Variants in DRG1 observed in about 807,000 individuals in gnomAD.
DRG1 encodes developmentally regulated GTP binding protein 1, also known as developmentally-regulated GTP-binding protein 1.
Under a neutral mutation model 38.8 loss-of-function variants are expected in DRG1, and 19 were observed. That is an observed-to-expected ratio of 0.49 (90% confidence interval 0.34 to 0.72). The LOEUF (loss-of-function observed/expected upper bound fraction) is 0.72, where lower values mean the gene tolerates loss of function less well. Among genes scored for constraint, DRG1 ranks in the 30% least tolerant of loss-of-function variants. DRG1 has a pLI of 0.01. For missense variants in DRG1, 299 were observed against 444.8 expected (o/e 0.67, Z 2.95); for synonymous variants, 167 against 157.5 (o/e 1.06, Z -0.45).
In DRG1 at chr22:31,400,794, A is replaced by G. The variant is rs554499841; in HGVS notation, c.166+51A>G. 2.2e-5 allele frequency: 34 copies of G among 1,576,084 alleles called. No homozygotes were observed. In the Admixed American group the frequency reaches 4.3e-4, roughly 20 times the overall value. On this transcript the variant is annotated intron_variant, in intron 2 of 8. Transcript: ENST00000331457. ...ATTTTTAGGTATAATTTTTGTCAAA[A>G]TAGTACATACATGTGGTTTAAAAAT...
At chr22:31,428,791 C>T (rs892420009) in intron 8 of DRG1, among the ~76,000 whole-genome samples, 5 of 152,064 alleles carry the variant, frequency 3.3e-5, no homozygotes, top group African/African-American at 1.2e-4. Flanking sequence ...AGAGTGTTCA[C>T]TAGTTATTTG....
intron 2 of DRG1, 94 bp from the exon 3 acceptor site, chr22:31,402,935 A>G: frequency 7.2e-7 from 1 of 1,379,944 alleles, no homozygotes; most frequent in Non-Finnish European, 9.9e-7. Context: ...AATAGTGCCT[A>G]GAGGGATAGG....
At chr22:31,412,122 T>C (rs186694124) in intron 4 of DRG1, among the ~76,000 whole-genome samples, 1 of 151,408 alleles carries the variant, frequency 6.6e-6, no homozygotes, top group Admixed American at 6.6e-5. Flanking sequence ...AAACCCTGCC[T>C]CTACTAAAAA....
chr22:31,426,955 T>G, intron 7 of DRG1, 105 bp from the exon 8 acceptor site: 1 of 1,537,096 alleles, frequency 6.5e-7, no homozygotes, highest in Non-Finnish European at 8.8e-7. Flanking sequence ...TCCCTTAAGT[T>G]GGAGGTTGTC....
chr22:31,422,946 A>T (rs1222112828), intron 5 of DRG1, among the ~76,000 whole-genome samples: 1 of 152,148 alleles, frequency 6.6e-6, no homozygotes, highest in Non-Finnish European at 1.5e-5. Context: ...TAGGACCACC[A>T]GTATTGGATT....
chr22:31,422,691 G>A (rs998030591), intron 5 of DRG1, among the ~76,000 whole-genome samples: 4 of 152,094 alleles, frequency 2.6e-5, no homozygotes, highest in African/African-American at 9.7e-5. Context: ...CCATTATCCC[G>A]TCTTAATATT....
At chr22:31,430,558 C>G (rs963811875) in intron 8 of DRG1, among the ~76,000 whole-genome samples, 1 of 152,018 alleles carries the variant, frequency 6.6e-6, no homozygotes, top group Non-Finnish European at 1.5e-5. Context: ...CGCCACCACA[C>G]TCGTCTAATT....
intron 3 of DRG1, among the ~76,000 whole-genome samples, chr22:31,405,284 C>T (rs1034040045): frequency 1.3e-5 from 2 of 151,876 alleles, no homozygotes; most frequent in Non-Finnish European, 2.9e-5. Context: ...TCTTCTACCG[C>T]AGCCTCTCAA....
chr22:31,425,539 C>G (rs1296374769), intron 6 of DRG1, among the ~76,000 whole-genome samples: 1 of 151,592 alleles, frequency 6.6e-6, no homozygotes, highest in Non-Finnish European at 1.5e-5. Flanking sequence ...CTCCCGGGCT[C>G]AATCCATCCT....
intron 5 of DRG1, among the ~76,000 whole-genome samples, 177 bp from the exon 6 acceptor site, chr22:31,423,103 C>T (rs1376734494): frequency 6.6e-6 from 1 of 152,142 alleles, no homozygotes; most frequent in African/African-American, 2.4e-5. Flanking sequence ...GCGTGTAACA[C>T]CTTCCTTGGA....
At chr22:31,407,362 G>A (rs1449203908) in intron 3 of DRG1, among the ~76,000 whole-genome samples, 2 of 151,876 alleles carry the variant, frequency 1.3e-5, no homozygotes, top group Non-Finnish European at 2.9e-5. Flanking sequence ...ATTCTCCCTC[G>A]CTCTGTCACC....
intron 3 of DRG1, among the ~76,000 whole-genome samples, chr22:31,410,320 T>C (rs1358465661): frequency 6.7e-6 from 1 of 149,976 alleles, no homozygotes; most frequent in Non-Finnish European, 1.5e-5. Context: ...CTGGGCGTGG[T>C]GGCGTGCACC....
At chr22:31,404,325 C>T (rs998204934) in intron 3 of DRG1, among the ~76,000 whole-genome samples, 10 of 151,338 alleles carry the variant, frequency 6.6e-5, no homozygotes, top group Admixed American at 5.9e-4. Flanking sequence ...CTGCAATCTC[C>T]GCCTCCTGGG....
intron 4 of DRG1, among the ~76,000 whole-genome samples, chr22:31,417,003 G>A (rs2050047983): frequency 6.6e-6 from 1 of 150,458 alleles, no homozygotes; most frequent in South Asian, 2.1e-4. Context: ...AGGTCAATCT[G>A]CAGTGAGCCA....
chr22:31,418,954 T>C (rs1409969156), intron 4 of DRG1, among the ~76,000 whole-genome samples: 1 of 152,164 alleles, frequency 6.6e-6, no homozygotes, highest in African/African-American at 2.4e-5. Flanking sequence ...CTGCTGGGAT[T>C]ACAGGCGTGA....
In DRG1 at chr22:31,406,006, CT is replaced by C. The variant is rs993821605; in HGVS notation, c.342+2818del. Among the ~76,000 whole-genome samples the C allele has an allele frequency of 2.7e-3, 345 of 129,404 alleles. 1 individual carries two copies. The highest frequency in any genetic ancestry group is 0.019 in the Middle Eastern group (4 of 214). 84.9% of individuals were successfully genotyped at this position (129,404 alleles called of 152,430 possible). A position where few individuals can be genotyped will look rare whatever the true frequency, so the allele number is the denominator to read the frequency against. On this transcript the variant is annotated intron_variant, in intron 3 of 8. Coordinates refer to ENST00000331457, the MANE Select transcript of DRG1 (RefSeq NM_004147.4). ...CCTGGCCGTTTCTTTTTTCTTTTTT[CT>C]TTTTTTTTTTTTTTTGAGACGAAGT...
chr22:31,427,514 A>G (rs1257838680), intron 8 of DRG1, among the ~76,000 whole-genome samples: 1 of 152,134 alleles, frequency 6.6e-6, no homozygotes, highest in Non-Finnish European at 1.5e-5. Context: ...CTAAACCTTA[A>G]ACATGGGCAA....
In DRG1 at chr22:31,403,724, C is replaced by T. The variant is rs548407150; in HGVS notation, c.342+520C>T. The stretch of plus-strand genomic sequence containing the variant: ...GTCTCGAACTCCTGACCTTGTGATC[C>T]GCCCGCGTTGGCCTCCCAAAATGCG... On this transcript the variant is annotated intron_variant, in intron 3 of 8. Transcript: ENST00000331457. Among the ~76,000 whole-genome samples, 16 of 152,104 alleles carry T rather than the reference C, an allele frequency of 1.1e-4. No individual in the cohort carries two copies. In the South Asian group the frequency reaches 1.2e-3, roughly 12 times the overall value.
chr22:31,412,014 G>A (rs1397788459), intron 4 of DRG1, among the ~76,000 whole-genome samples: 2 of 151,664 alleles, frequency 1.3e-5, no homozygotes, highest in African/African-American at 2.4e-5. Flanking sequence ...ACTTCAGGCC[G>A]GGCACTGTGG....
Sources: gnomAD v4.1 joint callset for allele counts (sites outside exome capture counted in the v4.1 genomes callset) on GRCh38, gnomAD v4.1.1 for gene constraint, MANE v1.5 for transcripts, NCBI Gene and HGNC (gene_info 2026-07-23, HGNC 2026-07-21) for gene names.